TTC28: variants seen among roughly 807,000 people sequenced by gnomAD.
TTC28 encodes tetratricopeptide repeat domain 28.
Under a neutral mutation model 198.0 loss-of-function variants are expected in TTC28, and 61 were observed. The observed-to-expected ratio is 0.31, with a 90% CI of 0.25 to 0.38. The LOEUF (loss-of-function observed/expected upper bound fraction) is 0.38. Ranked by LOEUF, TTC28 falls within the 10% of genes least tolerant of loss-of-function variation. The pLI, the probability that TTC28 is intolerant of heterozygous loss-of-function variation, is 1.00. For synonymous variants in TTC28, 1,171 were observed against 1,297.8 expected, an observed-to-expected ratio of 0.90 and a Z score of 2.10; for missense variants, 2,678 against 3,164.0, an observed-to-expected ratio of 0.85 and a Z score of 3.69.
chr22:28,448,366 A>ATGATG (rs2047732009), intron 2 of TTC28, among the ~76,000 whole-genome samples: 1 of 152,238 alleles, frequency 6.6e-6, no homozygotes, highest in South Asian at 2.1e-4. Flanking sequence ...TTCCTAAGGA[A>ATGATG]TGATGTATCT....
intron 12 of TTC28, among the ~76,000 whole-genome samples, chr22:28,079,311 G>A (rs1210711122): frequency 6.6e-6 from 1 of 152,160 alleles, no homozygotes; most frequent in Non-Finnish European, 1.5e-5. Flanking sequence ...TGTAGCAGTG[G>A]TGACAGAAGT....
chr22:28,225,509 G>A (rs977079706), intron 5 of TTC28, among the ~76,000 whole-genome samples: 8 of 152,110 alleles, frequency 5.3e-5, no homozygotes, highest in Non-Finnish European at 8.8e-5. Flanking sequence ...TTCAAATTGA[G>A]ATCAACTTTT....
intron 1 of TTC28, among the ~76,000 whole-genome samples, chr22:28,631,113 C>T (rs919622005): frequency 7.9e-5 from 12 of 152,108 alleles, no homozygotes; most frequent in Admixed American, 7.9e-4. Flanking sequence ...CTGGACAACA[C>T]AGTGAGACTC....
rs148569511 is a variant in TTC28, at chr22:28,496,748, T to C, written c.381+132804A>G. Among the ~76,000 whole-genome samples, 87 of 152,004 alleles carry C rather than the reference T, an allele frequency of 5.7e-4. 1 individual carries two copies. The highest frequency in any genetic ancestry group is 1.9e-3 in the South Asian group (9 of 4,808). ...CAGAGAAATCTTTTCAAACCCTAAGTCAGATAAAGTCACTCCTCCGCTTAG... is the reference window on the plus strand; with the variant it reads ...CAGAGAAATCTTTTCAAACCCTAAGCCAGATAAAGTCACTCCTCCGCTTAG... On this transcript the variant is annotated intron_variant, in intron 2 of 22. Coordinates refer to ENST00000397906, the MANE Select transcript of TTC28 (RefSeq NM_001145418.2).
At chr22:28,257,342 A>G (rs1931002507) in intron 5 of TTC28, among the ~76,000 whole-genome samples, 1 of 152,186 alleles carries the variant, frequency 6.6e-6, no homozygotes, top group Admixed American at 6.5e-5. Context: ...CAAAATATGG[A>G]ATCAGCCTAA....
chr22:28,049,048 T>C (rs899997700), intron 12 of TTC28, among the ~76,000 whole-genome samples: 1 of 152,116 alleles, frequency 6.6e-6, no homozygotes. Flanking sequence ...AGTCTGCCCA[T>C]CTTTGCCCCT....
chr22:28,567,475 C>CATATAT (rs1217643047), intron 2 of TTC28, among the ~76,000 whole-genome samples: 5 of 13,778 alleles, frequency 3.6e-4, no homozygotes, highest in African/African-American at 9.4e-4. Flanking sequence ...CATATACATA[C>CATATAT]ATACATATAT....
intron 2 of TTC28, among the ~76,000 whole-genome samples, chr22:28,334,720 T>C (rs1042821200): frequency 1.2e-4 from 18 of 152,210 alleles, no homozygotes; most frequent in Non-Finnish European, 2.6e-4. Context: ...GTAAATTTGT[T>C]TGAGGTCACT....
At chr22:28,077,469 C>T (rs562337470) in intron 12 of TTC28, among the ~76,000 whole-genome samples, 125 of 152,142 alleles carry the variant, frequency 8.2e-4, no homozygotes, top group Non-Finnish European at 9.8e-4. Flanking sequence ...ATTCAACTTC[C>T]GATGGTCATG....
At chr22:28,612,280 C>T (rs145758164) in intron 2 of TTC28, among the ~76,000 whole-genome samples, 2,943 of 152,254 alleles carry the variant, frequency 0.019, 28 homozygotes, top group Non-Finnish European at 0.026. Context: ...AGCTAACTAT[C>T]CTAAATATAT....
intron 2 of TTC28, among the ~76,000 whole-genome samples, chr22:28,530,427 C>T (rs1006991710): frequency 3.9e-5 from 6 of 152,156 alleles, no homozygotes; most frequent in Non-Finnish European, 7.4e-5. Context: ...ACCAAATCTA[C>T]GTCTGATTGG....
At chr22:28,101,484 G>A (rs1261740318) in intron 8 of TTC28, among the ~76,000 whole-genome samples, 1 of 152,242 alleles carries the variant, frequency 6.6e-6, no homozygotes, top group South Asian at 2.1e-4. Flanking sequence ...TCAGCCTCCG[G>A]AATACCTGGG....
chr22:28,226,485 G>A (rs957929573), intron 5 of TTC28, among the ~76,000 whole-genome samples: 2 of 151,652 alleles, frequency 1.3e-5, no homozygotes, highest in Admixed American at 1.3e-4. Context: ...GGAGTGCAGT[G>A]GTGCAATCTC....
Position 27,983,151 on chromosome 22 carries a change from A to T in TTC28, c.6516T>A (p.Ser2172Arg). Residue 2172 changes from serine to arginine, a missense_variant, in exon 23 of 23, where the codon AGT becomes AGA. By Grantham distance (110) the Ser-to-Arg change is moderately radical. This residue lies in a region of TTC28 where 622 missense variants were observed against 656.0 expected (regional missense o/e 0.95). Coordinates refer to ENST00000397906, the MANE Select transcript of TTC28 (RefSeq NM_001145418.2). The part of the protein sequence containing the change: ...LAQKILEETQ[S>R]HLIAVERLQR... ...GAAGACGCTCCACCGCAATGAGATG[A>T]CTCTGTGTCTCCTCCAGAATTTTCT... 1 of 1,551,476 alleles carries T rather than the reference A, an allele frequency of 6.4e-7. No homozygotes were observed. Among genetic ancestry groups the T allele is most frequent in the East Asian group, 2.4e-5 (1 of 40,896 alleles).
intron 13 of TTC28, among the ~76,000 whole-genome samples, chr22:28,015,412 A>G (rs1452881385): frequency 7.2e-6 from 1 of 138,342 alleles, no homozygotes; most frequent in Non-Finnish European, 1.6e-5. Flanking sequence ...CCTGTAGGAG[A>G]TAGCTTTAAA....
chr22:28,391,759 G>C (rs2046725305), intron 2 of TTC28, among the ~76,000 whole-genome samples: 1 of 152,136 alleles, frequency 6.6e-6, no homozygotes, highest in Non-Finnish European at 1.5e-5. Context: ...TTTTTTGAAA[G>C]TTTTCAACTT....
chr22:28,656,845 T>C (rs2051665338), intron 1 of TTC28, among the ~76,000 whole-genome samples: 1 of 152,098 alleles, frequency 6.6e-6, no homozygotes, highest in Admixed American at 6.6e-5. Context: ...CACACCAACA[T>C]GGCACATGTA....
intron 2 of TTC28, among the ~76,000 whole-genome samples, chr22:28,417,750 C>T (rs1187185545): frequency 6.6e-6 from 1 of 152,184 alleles, no homozygotes; most frequent in African/African-American, 2.4e-5. Flanking sequence ...TACTAATCTA[C>T]ATATCAGGCA....
intron 2 of TTC28, among the ~76,000 whole-genome samples, chr22:28,552,978 G>A (rs923897366): frequency 2.6e-5 from 4 of 152,218 alleles, no homozygotes; most frequent in East Asian, 3.9e-4. Flanking sequence ...TGGTGGAGAC[G>A]GGGTTTCGCT....
Sources: allele counts gnomAD v4.1 joint callset (sites outside exome capture counted in the v4.1 genomes callset), GRCh38; gene constraint gnomAD v4.1.1; regional missense constraint gnomAD v4.1.1; transcripts MANE v1.5; gene names NCBI Gene and HGNC (gene_info 2026-07-23, HGNC 2026-07-21).